Variants in SLC26A7 observed in about 807,000 individuals in gnomAD.
SLC26A7 encodes anion exchange transporter.
A neutral mutation model predicts 82.5 loss-of-function variants in SLC26A7; 59 were observed. The observed-to-expected ratio is 0.72, with a 90% CI of 0.58 to 0.89. The LOEUF is 0.89. SLC26A7 is among the 40% of genes least tolerant of loss of function. The pLI, the probability that SLC26A7 is intolerant of heterozygous loss-of-function variation, is 0.00. For synonymous variants in SLC26A7, 271 were observed against 274.3 expected, an observed-to-expected ratio of 0.99 and a Z score of 0.12; for missense variants, 820 against 793.0, an observed-to-expected ratio of 1.03 and a Z score of -0.41.
chr8:91,330,290 G>A lies in SLC26A7; in HGVS notation c.643-4005G>A, dbSNP rs75069232. 4.5e-3 allele frequency among the ~76,000 whole-genome samples: 678 copies of A among 152,242 alleles called. 4 individuals are homozygous for A. The highest frequency in any genetic ancestry group is 0.016 in the African/African-American group (659 of 41,546). ...ACATGTTAATGATAAAATTCAATAT[G>A]CAGAATTCAGGCTCAACCTGATGCA... is the stretch of plus-strand genomic sequence containing the variant. On this transcript the variant is annotated intron_variant, in intron 5 of 18. Transcript: ENST00000276609.
chr8:91,360,609 A>T (rs1337271788), intron 11 of SLC26A7, among the ~76,000 whole-genome samples: 1 of 152,238 alleles, frequency 6.6e-6, no homozygotes, highest in African/African-American at 2.4e-5. Flanking sequence ...GAGAGTAAAT[A>T]TGCTTTAAAA....
chr8:91,239,395 A>ATATATATATATATATAT (rs1233159768), intron 2 of SLC26A7, among the ~76,000 whole-genome samples: 1 of 94,858 alleles, frequency 1.1e-5, no homozygotes, highest in African/African-American at 3.5e-5. Context: ...AAAAAAAAAA[A>ATATATATATATATATAT]ATATATATAT....
chr8:91,253,339 A>G (rs1233565000), intron 2 of SLC26A7, among the ~76,000 whole-genome samples: 2 of 152,078 alleles, frequency 1.3e-5, no homozygotes, highest in African/African-American at 4.8e-5. Flanking sequence ...CTAGCATACG[A>G]CCAGCTGCCA....
rs1811103342 is a variant in SLC26A7, at chr8:91,266,058, A to G, written c.193+16214A>G. Among the ~76,000 whole-genome samples the G allele has an allele frequency of 2.0e-5, 3 of 151,886 alleles. No homozygotes were observed. In the South Asian group the frequency reaches 6.2e-4, roughly 32 times the overall value. ...TTATTTATGATTTTTTTTAGTGGTT[A>G]CGTAGTTTTGGGTATTACATTTAAG... On this transcript the variant is annotated intron_variant, in intron 2 of 18. Transcript: ENST00000276609.
chr8:91,220,451 C>T (rs965827616), intron 2 of SLC26A7, among the ~76,000 whole-genome samples: 1 of 151,728 alleles, frequency 6.6e-6, no homozygotes, highest in African/African-American at 2.4e-5. Flanking sequence ...TATACGGGTG[C>T]CATGGTGGTT....
At chr8:91,362,205 C>T (rs540417579) in intron 11 of SLC26A7, 148 bp from the exon 12 acceptor site, 2 of 545,842 alleles carry the variant, frequency 3.7e-6, no homozygotes, top group African/African-American at 3.8e-5. Context: ...TATTTCTGAG[C>T]TTCTGTTTAC....
chr8:91,320,407 A>T (rs1812759301), intron 5 of SLC26A7, among the ~76,000 whole-genome samples: 3 of 152,170 alleles, frequency 2.0e-5, no homozygotes, highest in African/African-American at 7.2e-5. Flanking sequence ...AATGGAAAAA[A>T]AGAGTTGCTC....
chr8:91,298,013 G>A (rs536340809), intron 4 of SLC26A7, among the ~76,000 whole-genome samples: 2 of 152,248 alleles, frequency 1.3e-5, no homozygotes, highest in Admixed American at 6.5e-5. Context: ...AAGGAACAGA[G>A]AACCCTCCTA....
chr8:91,295,602 C>A lies in SLC26A7; in HGVS notation c.376C>A (p.Leu126Ile), dbSNP rs367745813. The A allele has an allele frequency of 1.2e-6, 2 of 1,614,026 alleles. No homozygotes were observed. Among genetic ancestry groups the A allele is most frequent in the African/African-American group, 2.7e-5 (2 of 74,918 alleles). ...ERIVPQNMQN[L>I]TTQSNTSVLG... is the part of the protein sequence containing the mutation. Reference sequence around the variant, plus strand: ...GATTGTCCCTCAGAACATGCAGAATCTCACCACACAGAGTAACACAAGCGT... The same window carrying A: ...GATTGTCCCTCAGAACATGCAGAATATCACCACACAGAGTAACACAAGCGT... The change falls in exon 4 of 19, where the codon CTC becomes ATC. Residue 126 changes from leucine to isoleucine, a missense_variant. Coordinates refer to ENST00000276609, the MANE Select transcript of SLC26A7 (RefSeq NM_052832.4).
At chr8:91,345,278 C>A (rs1813531033) in intron 9 of SLC26A7, among the ~76,000 whole-genome samples, 1 of 152,076 alleles carries the variant, frequency 6.6e-6, no homozygotes, top group African/African-American at 2.4e-5. Flanking sequence ...TGGTTTCTTA[C>A]CAGAGTGAAT....
At chr8:91,334,184 G>T in intron 5 of SLC26A7, 111 bp from the exon 6 acceptor site, 1 of 1,000,922 alleles carries the variant, frequency 1.0e-6, no homozygotes, top group Non-Finnish European at 1.5e-6. Flanking sequence ...CCTCTCCCTA[G>T]CCATTAAGAT....
At chr8:91,244,572 C>T (rs1434650416), upstream of SLC26A7, among the ~76,000 whole-genome samples, 1 of 151,470 alleles carries the variant, frequency 6.6e-6, no homozygotes, top group Non-Finnish European at 1.5e-5. Flanking sequence ...GGCATGATCA[C>T]AGCTCACTGC....
rs993201966 is a variant in SLC26A7 at position 91,397,583 on chromosome 8, T to G, written c.*2486T>G. On this transcript the variant is annotated 3_prime_UTR_variant, in exon 19 of 19. Transcript: ENST00000276609. Reference sequence around the variant, plus strand: ...ATAAAATATGTAACCAGGAAAAGACTGTTAACATTACATTTATGCAAATTA... The same window carrying G: ...ATAAAATATGTAACCAGGAAAAGACGGTTAACATTACATTTATGCAAATTA... The G allele has an allele frequency of 6.6e-5, 10 of 152,532 alleles. No homozygotes were observed. Among genetic ancestry groups the G allele is most frequent in the Non-Finnish European group, 1.3e-4 (9 of 67,964 alleles). 9.4% of individuals were successfully genotyped at this position (152,532 alleles called of 1,614,324 possible). A position where few individuals can be genotyped will look rare whatever the true frequency, so the allele number is the denominator to read the frequency against.
intron 4 of SLC26A7, among the ~76,000 whole-genome samples, chr8:91,313,997 T>C (rs945949760): frequency 2.0e-5 from 3 of 152,218 alleles, no homozygotes; most frequent in African/African-American, 7.2e-5. Flanking sequence ...ATGGTGTTTA[T>C]AGAAGCATTA....
At chr8:91,261,880 T>C (rs1038993538) in intron 2 of SLC26A7, among the ~76,000 whole-genome samples, 6 of 152,062 alleles carry the variant, frequency 3.9e-5, no homozygotes, top group African/African-American at 1.4e-4. Flanking sequence ...GATGGACTTG[T>C]GGGGAAAAGA....
At chr8:91,266,805 T>C (rs1208962494) in intron 2 of SLC26A7, among the ~76,000 whole-genome samples, 2 of 151,930 alleles carry the variant, frequency 1.3e-5, no homozygotes, top group Non-Finnish European at 2.9e-5. Context: ...TGGACATCCT[T>C]GTCTTGTTCC....
intron 11 of SLC26A7, among the ~76,000 whole-genome samples, chr8:91,354,743 T>C (rs1813814496): frequency 6.6e-6 from 1 of 152,072 alleles, no homozygotes; most frequent in South Asian, 2.1e-4. Flanking sequence ...GATATTGTAT[T>C]TGTTAGTCCT....
intron 9 of SLC26A7, among the ~76,000 whole-genome samples, chr8:91,351,131 C>T (rs1414897672): frequency 6.6e-6 from 1 of 152,082 alleles, no homozygotes; most frequent in African/African-American, 2.4e-5. Flanking sequence ...AGGTCCTGAA[C>T]ATTTGCTTCT....
intron 2 of SLC26A7, among the ~76,000 whole-genome samples, chr8:91,257,422 T>G (rs1045242470): frequency 2.0e-5 from 3 of 152,000 alleles, no homozygotes; most frequent in Non-Finnish European, 2.9e-5. Context: ...TCTCTAACAT[T>G]TACCACCCCC....
Sources: gnomAD v4.1 joint callset for allele counts (sites outside exome capture counted in the v4.1 genomes callset) on GRCh38, gnomAD v4.1.1 for gene constraint, MANE v1.5 for transcripts, NCBI Gene and HGNC (gene_info 2026-07-23, HGNC 2026-07-21) for gene names.